Variants in DOK6 observed in about 807,000 individuals in gnomAD.
The protein encoded by DOK6 is docking protein 6, also known as downstream of tyrosine kinase 6.
DOK6 carries 22 observed loss-of-function variants against 44.0 expected under a neutral mutation model. The ratio of observed to expected loss-of-function variants is 0.50; its 90% CI spans 0.36 to 0.71. The LOEUF is 0.71. DOK6 is among the 30% of genes least tolerant of loss of function. The pLI is 0.00. For missense variants in DOK6, 340 were observed against 416.4 expected, an observed-to-expected ratio of 0.82 and a Z score of 1.60; for synonymous variants, 166 against 145.5, an observed-to-expected ratio of 1.14 and a Z score of -1.01.
chr18:69,701,366 A>G (rs1052242817), intron 5 of DOK6, among the ~76,000 whole-genome samples: 1 of 152,258 alleles, frequency 6.6e-6, no homozygotes, highest in Non-Finnish European at 1.5e-5. Flanking sequence ...TTTTAAAGGT[A>G]GAAACAACCA....
chr18:69,430,484 A>G (rs1052722107), intron 1 of DOK6, among the ~76,000 whole-genome samples: 1 of 152,224 alleles, frequency 6.6e-6, no homozygotes, highest in Non-Finnish European at 1.5e-5. Flanking sequence ...GTAGAAAACG[A>G]TAAAGAAGTT....
intron 5 of DOK6, among the ~76,000 whole-genome samples, chr18:69,724,161 T>C (rs1031262203): frequency 1.3e-5 from 2 of 152,168 alleles, no homozygotes; most frequent in African/African-American, 4.8e-5. Flanking sequence ...GTGTAATCAA[T>C]CCCTGAATAG....
At position 69,846,649 on chromosome 18, in the gene DOK6, A is replaced by G. The variant is rs1281320436; in HGVS notation, c.*5266A>G. 1 of 152,216 alleles carries G rather than the reference A, an allele frequency of 6.6e-6. No individual in the cohort carries two copies. The highest frequency in any genetic ancestry group is 1.5e-5 in the Non-Finnish European group (1 of 68,030). The allele number at this position is 152,216 out of a possible 1,614,324, so 9.4% of individuals were successfully genotyped here. The stretch of plus-strand genomic sequence containing the variant: ...CCTAAAGTGGTAGTCAAAGTAAAAC[A>G]CATTAAGTAGGTGTTTGTGTTTAGC... On this transcript the variant is annotated 3_prime_UTR_variant, in exon 8 of 8. Coordinates refer to ENST00000382713, the MANE Select transcript of DOK6 (RefSeq NM_152721.6).
At position 69,747,604 on chromosome 18, in the gene DOK6, C is replaced by T. The variant is rs187822517; in HGVS notation, c.738+8501C>T. ...GCTCTTTCCGCTCCGCCCCCTCCCC[C>T]CCACAGAAGATATCAGCATCAAAGT... On this transcript the variant is annotated intron_variant, in intron 6 of 7. Transcript: ENST00000382713. 5.2e-3 allele frequency among the ~76,000 whole-genome samples: 786 copies of T among 150,768 alleles called. 21 individuals are homozygous for T. The highest frequency in any genetic ancestry group is 0.018 in the African/African-American group (748 of 41,172).
At chr18:69,550,109 A>T (rs1023673915) in intron 1 of DOK6, among the ~76,000 whole-genome samples, 2 of 151,594 alleles carry the variant, frequency 1.3e-5, no homozygotes, top group African/African-American at 4.8e-5. Context: ...TTGACAAAAA[A>T]TAATCATGGA....
chr18:69,487,147 GT>G (rs1980598895), intron 1 of DOK6, among the ~76,000 whole-genome samples: 1 of 149,766 alleles, frequency 6.7e-6, no homozygotes. Flanking sequence ...AATAATTTCT[GT>G]CTACAATTAG....
chr18:69,611,256 A>G (rs1296663232), intron 3 of DOK6, among the ~76,000 whole-genome samples: 1 of 152,186 alleles, frequency 6.6e-6, no homozygotes, highest in Non-Finnish European at 1.5e-5. Flanking sequence ...TGAGGTGCAT[A>G]GTGACACACC....
At chr18:69,508,859 G>A (rs1309367859) in intron 1 of DOK6, among the ~76,000 whole-genome samples, 4 of 152,232 alleles carry the variant, frequency 2.6e-5, no homozygotes, top group African/African-American at 9.6e-5. Flanking sequence ...GATATAGACA[G>A]AGTCTGATGG....
At position 69,445,302 on chromosome 18, in the gene DOK6, TTAACCAG is replaced by T. The variant is rs1979253014; in HGVS notation, c.66+43995_66+44001del. On this transcript the variant is annotated intron_variant, in intron 1 of 7. Coordinates refer to ENST00000382713, the MANE Select transcript of DOK6 (RefSeq NM_152721.6). ...TTTGAGTACCATTGATTTATTTTTC[TTAACCAG>T]TACTACTAGTACAACATTGAATAGT... 5.9e-5 allele frequency among the ~76,000 whole-genome samples: 9 copies of T among 152,252 alleles called. No individual in the cohort carries two copies. The South Asian group carries it at 1.9e-3, about 31-fold the overall frequency.
chr18:69,430,034 T>A (rs1978759192), intron 1 of DOK6, among the ~76,000 whole-genome samples: 1 of 152,128 alleles, frequency 6.6e-6, no homozygotes, highest in African/African-American at 2.4e-5. Flanking sequence ...TGAAATAAAT[T>A]TCTAAGTGGG....
chr18:69,574,359 T>A (rs1351350655), intron 2 of DOK6, among the ~76,000 whole-genome samples: 1 of 152,002 alleles, frequency 6.6e-6, no homozygotes, highest in Non-Finnish European at 1.5e-5. Context: ...AATTTTACAA[T>A]CTGATGAAGT....
intron 5 of DOK6, among the ~76,000 whole-genome samples, chr18:69,707,587 C>A (rs1484093157): frequency 6.6e-6 from 1 of 152,156 alleles, no homozygotes; most frequent in Admixed American, 6.5e-5. Context: ...AAGTGATGAA[C>A]AAAGTCTCCG....
chr18:69,727,288 G>A (rs1209429774), intron 5 of DOK6, among the ~76,000 whole-genome samples: 1 of 152,132 alleles, frequency 6.6e-6, no homozygotes, highest in African/African-American at 2.4e-5. Context: ...GAGTTTGGGG[G>A]AACACAAACA....
chr18:69,602,869 T>G (rs1983904758), intron 3 of DOK6, among the ~76,000 whole-genome samples: 1 of 152,228 alleles, frequency 6.6e-6, no homozygotes, highest in Non-Finnish European at 1.5e-5. Context: ...AAATAACTGG[T>G]GTTTGAAAAA....
Position 69,594,012 on chromosome 18 carries a change from G to T in DOK6, c.175-5372G>T, listed in dbSNP as rs567154898. Among the ~76,000 whole-genome samples, 202 of 152,146 alleles carry T rather than the reference G, an allele frequency of 1.3e-3. 1 individual carries two copies. The highest frequency in any genetic ancestry group is 4.6e-3 in the African/African-American group (193 of 41,518). On this transcript the variant is annotated intron_variant, in intron 2 of 7. Coordinates refer to ENST00000382713, the MANE Select transcript of DOK6 (RefSeq NM_152721.6). ...AATTTATTTTGTTGTAATAAAATTT[G>T]TTGTAAATATCACTTGATTCCATTA...
chr18:69,840,836 G>A (rs1016148354), intron 7 of DOK6, among the ~76,000 whole-genome samples: 2 of 152,186 alleles, frequency 1.3e-5, no homozygotes, highest in Non-Finnish European at 2.9e-5. Flanking sequence ...GCTTTTATAT[G>A]CTGAAATTGA....
chr18:69,837,909 T>G (rs1445470614), intron 7 of DOK6, among the ~76,000 whole-genome samples: 1 of 152,226 alleles, frequency 6.6e-6, no homozygotes, highest in Non-Finnish European at 1.5e-5. Context: ...TAGCACTGGC[T>G]GTATGGACTC....
intron 7 of DOK6, among the ~76,000 whole-genome samples, chr18:69,787,083 G>A (rs890654162): frequency 6.6e-6 from 1 of 152,128 alleles, no homozygotes; most frequent in Non-Finnish European, 1.5e-5. Context: ...AGGCGTGGTG[G>A]TGCATGCCTG....
chr18:69,817,877 G>C (rs550630274), intron 7 of DOK6, among the ~76,000 whole-genome samples: 1 of 152,252 alleles, frequency 6.6e-6, no homozygotes, highest in South Asian at 2.1e-4. Flanking sequence ...CAGAGAAACT[G>C]CCTGGCTACA....
Sources: gnomAD v4.1 joint callset for allele counts (sites outside exome capture counted in the v4.1 genomes callset) on GRCh38, gnomAD v4.1.1 for gene constraint, MANE v1.5 for transcripts, NCBI Gene and HGNC (gene_info 2026-07-23, HGNC 2026-07-21) for gene names.